Variants in ATP11B observed in about 807,000 individuals in gnomAD.
The protein encoded by ATP11B is phospholipid-transporting ATPase IF.
In ATP11B, 81 loss-of-function variants were observed where a neutral mutation model predicts 157.8. The observed-to-expected ratio is 0.51, with a 90% confidence interval of 0.43 to 0.62. The LOEUF is 0.62. Ranked by LOEUF, ATP11B falls within the 20% of genes least tolerant of loss-of-function variation. The pLI is 0.00. For synonymous variants in ATP11B, 451 were observed against 469.4 expected (o/e 0.96, Z 0.51); for missense variants, 1,165 against 1,402.2 (o/e 0.83, Z 2.70).
At chr3:182,844,670 CAGTATAATTG>C in intron 8 of ATP11B, 1 of 399,314 alleles carries the variant, frequency 2.5e-6, no homozygotes, top group South Asian at 1.1e-4. Flanking sequence ...TTTTATAATT[CAGTATAATTG>C]TGCAGAATTC....
At chr3:182,856,042 G>A (rs2108530208) in intron 10 of ATP11B, among the ~76,000 whole-genome samples, 1 of 152,260 alleles carries the variant, frequency 6.6e-6, no homozygotes, top group South Asian at 2.1e-4. Context: ...ATTTAACTCA[G>A]AGAAATGAAT....
At chr3:182,845,169 T>G (rs970870369) in intron 8 of ATP11B, among the ~76,000 whole-genome samples, 2 of 151,984 alleles carry the variant, frequency 1.3e-5, no homozygotes, top group Admixed American at 6.6e-5. Context: ...CACGCCTGGC[T>G]AATTTCTTTT....
At chr3:182,857,578 T>G (rs539134642) in intron 10 of ATP11B, among the ~76,000 whole-genome samples, 51 of 112,628 alleles carry the variant, frequency 4.5e-4, no homozygotes, top group African/African-American at 2.1e-3. Context: ...AAAAAAAAAC[T>G]TAGAATAATT....
chr3:182,821,916 G>A (rs1003574995), intron 2 of ATP11B, among the ~76,000 whole-genome samples: 2 of 152,002 alleles, frequency 1.3e-5, no homozygotes, highest in African/African-American at 4.8e-5. Context: ...TCCTAACCTC[G>A]TCTTTCCCAA....
At chr3:182,871,572 G>T (rs868845525) in intron 17 of ATP11B, among the ~76,000 whole-genome samples, 2 of 152,158 alleles carry the variant, frequency 1.3e-5, no homozygotes, top group African/African-American at 4.8e-5. Context: ...GTCATGCAAT[G>T]AATCTTTAGG....
At chr3:182,881,117 T>G (rs1722392256) in intron 21 of ATP11B, 136 bp downstream of exon 21, 2 of 572,134 alleles carry the variant, frequency 3.5e-6, no homozygotes, top group African/African-American at 3.9e-5. Context: ...GGTAATAATA[T>G]AGCACAGTGT....
At chr3:182,804,407 G>A (rs138359420) in intron 1 of ATP11B, among the ~76,000 whole-genome samples, 1,620 of 151,914 alleles carry the variant, frequency 0.011, 31 homozygotes, top group African/African-American at 0.037. Context: ...CACGACGCCC[G>A]GCTAATTTTT....
intron 28 of ATP11B, among the ~76,000 whole-genome samples, chr3:182,909,787 G>A (rs1724636353): frequency 6.6e-6 from 1 of 152,004 alleles, no homozygotes; most frequent in Non-Finnish European, 1.5e-5. Context: ...GCTGAGGCTG[G>A]CCACGGTGGC....
intron 17 of ATP11B, among the ~76,000 whole-genome samples, chr3:182,871,545 T>C (rs6764260): frequency 0.02 from 3,114 of 152,306 alleles, 106 homozygotes; most frequent in African/African-American, 0.072. Context: ...TATTGACTTA[T>C]TTGAAAGGTA....
chr3:182,793,725 G>A lies in ATP11B; in HGVS notation c.-35G>A, dbSNP rs760808821. The A allele has an allele frequency of 9.6e-5, 135 of 1,399,056 alleles. No homozygotes were observed. The African/African-American group carries it at 1.8e-3, about 19-fold the overall frequency. 86.7% of individuals were successfully genotyped at this position (1,399,056 alleles called of 1,614,324 possible). A position where few individuals can be genotyped will look rare whatever the true frequency, so the allele number is the denominator to read the frequency against. On this transcript the variant is annotated 5_prime_UTR_variant, in exon 1 of 30. Transcript: ENST00000323116. ...CTCCACCTGCAGCCCCGCGGCCCCC[G>A]CGCCCCGCGGGACCCGGACGGCGAC... is the stretch of plus-strand genomic sequence containing the variant.
intron 29 of ATP11B, chr3:182,917,557 G>T (rs1876755): frequency 0.24 from 238,936 of 984,820 alleles, 31,170 homozygotes; most frequent in East Asian, 0.55. Context: ...CTAATTATGC[G>T]GAAGTCTTTA....
intron 28 of ATP11B, among the ~76,000 whole-genome samples, chr3:182,899,601 A>C (rs1274846518): frequency 1.3e-5 from 2 of 152,232 alleles, no homozygotes; most frequent in Admixed American, 1.3e-4. Flanking sequence ...AAATATTAGC[A>C]GTATGTTACA....
Position 182,914,007 on chromosome 3 carries a change from T to TC in ATP11B, c.3452+14dup. On this transcript the variant is annotated intron_variant, in intron 29 of 29. Transcript: ENST00000323116. ...CCCACATCAGCAGGTGTGAAATCTCTCTAAGTAGCCTTTGCTGCAGATGAG... is the reference window on the plus strand; with the variant it reads ...CCCACATCAGCAGGTGTGAAATCTCTCCTAAGTAGCCTTTGCTGCAGATGAG... The TC allele has an allele frequency of 6.2e-7, 1 of 1,613,586 alleles. No homozygotes were observed. Among genetic ancestry groups the TC allele is most frequent in the Non-Finnish European group, 8.5e-7 (1 of 1,179,686 alleles).
At chr3:182,830,371 C>G (rs1449292487) in intron 4 of ATP11B, among the ~76,000 whole-genome samples, 3 of 151,482 alleles carry the variant, frequency 2.0e-5, no homozygotes, top group Non-Finnish European at 2.9e-5. Flanking sequence ...TTACAACTTT[C>G]TCTTATGAGT....
intron 15 of ATP11B, among the ~76,000 whole-genome samples, chr3:182,867,852 T>A (rs937751663): frequency 6.6e-6 from 1 of 152,174 alleles, no homozygotes; most frequent in African/African-American, 2.4e-5. Flanking sequence ...ATTACAGGTG[T>A]GATCCACTGT....
intron 4 of ATP11B, among the ~76,000 whole-genome samples, chr3:182,831,112 T>G (rs910365590): frequency 1.3e-5 from 2 of 152,188 alleles, no homozygotes; most frequent in Non-Finnish European, 2.9e-5. Flanking sequence ...AACACACATG[T>G]ACAACTGTTT....
At chr3:182,901,231 C>T (rs1255379312) in intron 28 of ATP11B, among the ~76,000 whole-genome samples, 2 of 150,858 alleles carry the variant, frequency 1.3e-5, no homozygotes, top group Admixed American at 6.6e-5. Context: ...GGCATGGTGG[C>T]ACACTCCTGT....
intron 25 of ATP11B, among the ~76,000 whole-genome samples, chr3:182,894,532 C>T (rs1215622586): frequency 6.6e-6 from 1 of 152,202 alleles, no homozygotes; most frequent in East Asian, 1.9e-4. Flanking sequence ...TTGCCACTCA[C>T]ATTATCACCT....
At chr3:182,886,269 C>G (rs552186471) in intron 23 of ATP11B, among the ~76,000 whole-genome samples, 2 of 152,152 alleles carry the variant, frequency 1.3e-5, no homozygotes, top group South Asian at 4.1e-4. Context: ...CCCTTAACAG[C>G]TTATGAGAGA....
Sources: gnomAD v4.1 joint callset for allele counts (sites outside exome capture counted in the v4.1 genomes callset) on GRCh38, gnomAD v4.1.1 for gene constraint, MANE v1.5 for transcripts, NCBI Gene and HGNC (gene_info 2026-07-23, HGNC 2026-07-21) for gene names.